Variants in TMEM232 observed in about 807,000 individuals in gnomAD.
TMEM232 encodes transmembrane protein 232.
A neutral mutation model predicts 78.8 loss-of-function variants in TMEM232; 80 were observed. That is an observed-to-expected ratio of 1.01 (90% CI 0.85 to 1.22). The LOEUF (loss-of-function observed/expected upper bound fraction) is 1.22. Ranked by LOEUF, TMEM232 falls within the 50% of genes most tolerant of loss-of-function variation. The pLI is 0.00. For synonymous variants in TMEM232, 297 were observed against 254.3 expected, an observed-to-expected ratio of 1.17 and a Z score of -1.60; for missense variants, 881 against 742.2, an observed-to-expected ratio of 1.19 and a Z score of -2.17.
rs993838350 is a variant in TMEM232 at position 110,702,556 on chromosome 5, CCTGTAATA to C, written c.-13+24063_-13+24070del. ...TCTCATCCACATGTTACTATCTCTC[CCTGTAATA>C]CTCTTCATTGCCTCTGTTTTTGCTG... On this transcript the variant is annotated intron_variant, in intron 1 of 13. Coordinates refer to ENST00000455884, the MANE Select transcript of TMEM232 (RefSeq NM_001039763.4). Among the ~76,000 whole-genome samples, 9 of 152,158 alleles carry C rather than the reference CCTGTAATA, an allele frequency of 5.9e-5. No homozygotes were observed. In the East Asian group the frequency reaches 7.7e-4, roughly 13 times the overall value.
At chr5:110,468,909 G>C (rs1226713819) in intron 12 of TMEM232, among the ~76,000 whole-genome samples, 1 of 152,158 alleles carries the variant, frequency 6.6e-6, no homozygotes, top group African/African-American at 2.4e-5. Context: ...ACCATGTAGA[G>C]CACAAAAACT....
chr5:110,523,211 T>C (rs1769808633), intron 12 of TMEM232, among the ~76,000 whole-genome samples: 1 of 152,212 alleles, frequency 6.6e-6, no homozygotes, highest in Admixed American at 6.5e-5. Flanking sequence ...CATAGGTGTC[T>C]CTTATGATCC....
At chr5:110,593,579 A>T (rs1779791354) in intron 10 of TMEM232, among the ~76,000 whole-genome samples, 1 of 152,148 alleles carries the variant, frequency 6.6e-6, no homozygotes, top group African/African-American at 2.4e-5. Flanking sequence ...CAGTAGGACA[A>T]CCTGCATATT....
intron 10 of TMEM232, among the ~76,000 whole-genome samples, chr5:110,579,697 G>A (rs543334447): frequency 6.6e-4 from 100 of 150,770 alleles, no homozygotes; most frequent in Admixed American, 2.3e-3. Flanking sequence ...AAAGAGAAAG[G>A]AATCAAGGCA....
chr5:110,524,399 GAAAGAAAGAAAGAAAGA>G (rs199949369), intron 12 of TMEM232, among the ~76,000 whole-genome samples: 4,860 of 71,372 alleles, frequency 0.068, 99 homozygotes, highest in East Asian at 0.087. Context: ...AAGAAAGAAA[GAAAGAAAGAAAGAAAGA>G]AAAGAAAAGA....
chr5:110,458,967 T>C, intron 12 of TMEM232, among the ~76,000 whole-genome samples: 1 of 152,282 alleles, frequency 6.6e-6, no homozygotes, highest in South Asian at 2.1e-4. Context: ...TTCAGCTTTA[T>C]GTAGTATATC....
chr5:110,489,623 C>T (rs754295958), intron 12 of TMEM232, among the ~76,000 whole-genome samples: 8 of 152,070 alleles, frequency 5.3e-5, no homozygotes, highest in Non-Finnish European at 7.4e-5. Flanking sequence ...ATTCTTGCTA[C>T]TTCTATTCAA....
chr5:110,441,620 T>G (rs1759054784), intron 12 of TMEM232, among the ~76,000 whole-genome samples: 1 of 152,114 alleles, frequency 6.6e-6, no homozygotes, highest in South Asian at 2.1e-4. Context: ...GATATAGCGT[T>G]TCTATAATTG....
intron 12 of TMEM232, among the ~76,000 whole-genome samples, chr5:110,441,748 A>G (rs1003369963): frequency 3.3e-5 from 5 of 152,236 alleles, no homozygotes; most frequent in Non-Finnish European, 5.9e-5. Flanking sequence ...GCTAACAGCC[A>G]GAGAGGTGCT....
At chr5:110,722,060 G>T (rs1797704126) in intron 1 of TMEM232, among the ~76,000 whole-genome samples, 1 of 152,012 alleles carries the variant, frequency 6.6e-6, no homozygotes, top group Non-Finnish European at 1.5e-5. Context: ...ATTGTCAGGG[G>T]TTGGAGGTTA....
intron 13 of TMEM232, among the ~76,000 whole-genome samples, chr5:110,421,426 T>C (rs1052128908): frequency 6.6e-6 from 1 of 151,534 alleles, no homozygotes; most frequent in African/African-American, 2.4e-5. Flanking sequence ...AATATATATA[T>C]ATATATAATT....
At chr5:110,570,460 G>A (rs533357744) in intron 10 of TMEM232, among the ~76,000 whole-genome samples, 1 of 151,996 alleles carries the variant, frequency 6.6e-6, no homozygotes, top group African/African-American at 2.4e-5. Context: ...AGAAATTAGA[G>A]GGTAACTGTT....
intron 12 of TMEM232, among the ~76,000 whole-genome samples, chr5:110,445,965 G>GAATC (rs1759599674): frequency 6.6e-6 from 1 of 152,124 alleles, no homozygotes; most frequent in African/African-American, 2.4e-5. Context: ...CATTAGAAAT[G>GAATC]AATCACTAAG....
At chr5:110,614,249 G>A (rs373839497) in intron 8 of TMEM232, among the ~76,000 whole-genome samples, 65 of 152,164 alleles carry the variant, frequency 4.3e-4, no homozygotes, top group Middle Eastern at 3.4e-3. Flanking sequence ...TCAGTGACAG[G>A]CTGTCTCAAA....
upstream of TMEM232, among the ~76,000 whole-genome samples, chr5:110,731,256 C>G (rs1798653312): frequency 6.6e-6 from 1 of 152,204 alleles, no homozygotes; most frequent in Non-Finnish European, 1.5e-5. Flanking sequence ...CTTTCATGGG[C>G]TAGCATTGAA....
intron 7 of TMEM232, among the ~76,000 whole-genome samples, chr5:110,622,526 A>C (rs904738202): frequency 8.5e-5 from 13 of 152,122 alleles, no homozygotes; most frequent in Non-Finnish European, 1.8e-4. Context: ...TGAACTCATC[A>C]TTTTTTATGG....
intron 12 of TMEM232, among the ~76,000 whole-genome samples, chr5:110,468,954 C>T (rs938501035): frequency 6.6e-6 from 1 of 152,114 alleles, no homozygotes; most frequent in Non-Finnish European, 1.5e-5. Flanking sequence ...AATACCTGGC[C>T]TTCACTAATT....
intron 12 of TMEM232, among the ~76,000 whole-genome samples, chr5:110,500,848 A>T (rs963632302): frequency 3.9e-5 from 6 of 152,206 alleles, no homozygotes; most frequent in African/African-American, 1.4e-4. Flanking sequence ...CAGAGCTGAA[A>T]TGACAAGAAA....
chr5:110,714,029 T>C (rs909793336), intron 1 of TMEM232, among the ~76,000 whole-genome samples: 1 of 152,186 alleles, frequency 6.6e-6, no homozygotes, highest in Non-Finnish European at 1.5e-5. Context: ...TTGACTTGGT[T>C]GCAGAAAAAC....
Sources: allele counts gnomAD v4.1 joint callset (sites outside exome capture counted in the v4.1 genomes callset), GRCh38; gene constraint gnomAD v4.1.1; transcripts MANE v1.5; gene names NCBI Gene and HGNC (gene_info 2026-07-23, HGNC 2026-07-21).